The following TM6SF1 variants were observed in gnomAD, a reference collection of about 807,000 sequenced individuals.
TM6SF1 encodes transmembrane 6 superfamily member 1.
In TM6SF1, 43 loss-of-function variants were observed where a neutral mutation model predicts 47.1. That is an observed-to-expected ratio of 0.91 (90% CI 0.72 to 1.18). The LOEUF (loss-of-function observed/expected upper bound fraction) is 1.18, where lower values mean the gene tolerates loss of function less well. TM6SF1 is among the 50% of genes most tolerant of loss of function. The pLI, the probability that TM6SF1 is intolerant of heterozygous loss-of-function variation, is 0.00. For missense variants in TM6SF1, 390 were observed against 449.0 expected (o/e 0.87, Z 1.19); for synonymous variants, 177 against 166.3 (o/e 1.06, Z -0.49).
At chr15:83,121,458 C>T (rs1268124630) in intron 4 of TM6SF1, among the ~76,000 whole-genome samples, 1 of 152,184 alleles carries the variant, frequency 6.6e-6, no homozygotes, top group Non-Finnish European at 1.5e-5. Flanking sequence ...GTACATGTCA[C>T]TTGTCTTCAC....
chr15:83,129,864 T>C (rs2036092423), intron 9 of TM6SF1: 1 of 151,104 alleles, frequency 6.6e-6, no homozygotes, highest in African/African-American at 2.4e-5. Flanking sequence ...AAGCCTTGCC[T>C]TTTTTTTTGG....
chr15:83,127,220 TA>T (rs59121495), intron 8 of TM6SF1, 137 bp from the exon 9 acceptor site: 106,982 of 623,696 alleles, frequency 0.17, 7 homozygotes, highest in Middle Eastern at 0.21. Flanking sequence ...AAAATAAAAG[TA>T]AAAAAAAAAA....
chr15:83,133,208 GA>G (rs2036373479), intron 9 of TM6SF1: 1 of 152,188 alleles, frequency 6.6e-6, no homozygotes, highest in South Asian at 2.1e-4. Context: ...ATGTTGCTCA[GA>G]AAACTCTAAG....
intron 9 of TM6SF1, chr15:83,127,875 G>A (rs537779617): frequency 2.4e-5 from 6 of 248,958 alleles, no homozygotes; most frequent in East Asian, 3.1e-4. Flanking sequence ...ATTCCACTAC[G>A]CTATGCTATA....
At position 83,136,565 on chromosome 15, in the gene TM6SF1, T is replaced by C; in HGVS notation, c.1006T>C (p.Leu336=). 1 of 1,613,904 alleles carries C rather than the reference T, an allele frequency of 6.2e-7. No homozygotes were observed. Among genetic ancestry groups the C allele is most frequent in the Admixed American group, 1.7e-5 (1 of 59,970 alleles). The change falls in exon 10 of 10, where the codon TTA becomes CTA. Residue 336 remains leucine (L), a synonymous_variant. Transcript: ENST00000322019. The part of the protein sequence containing the change: ...RVPEEAKILF[L]ALNIAYGVLP... ...CCCTGAAGAAGCAAAAATCCTTTTT[T>C]TAGCATTAAACATAGCATATGGAGT...
chr15:83,129,710 T>C (rs1217121515), intron 9 of TM6SF1: 2 of 152,252 alleles, frequency 1.3e-5, no homozygotes, highest in Non-Finnish European at 2.9e-5. Flanking sequence ...TACGAGGTGC[T>C]GGAGAACCTT....
chr15:83,123,402 G>T (rs915904002), intron 6 of TM6SF1, among the ~76,000 whole-genome samples: 13 of 152,204 alleles, frequency 8.5e-5, no homozygotes, highest in African/African-American at 3.1e-4. Context: ...TAGTCAAGGT[G>T]AAACAGCACT....
chr15:83,133,113 C>T (rs746187890), intron 9 of TM6SF1: 1 of 152,228 alleles, frequency 6.6e-6, no homozygotes, highest in African/African-American at 2.4e-5. Flanking sequence ...ACACCTCACC[C>T]GAGGCCATAC....
chr15:83,107,823 C>T lies in TM6SF1; in HGVS notation c.92+51C>T. On this transcript the variant is annotated intron_variant, in intron 1 of 9. Transcript: ENST00000322019. The surrounding 1 kb of genome is among the most constrained non-coding windows in gnomAD (Gnocchi z 5.6). ...CGCGCCGAGGGGCGGCGGGAGTTGG[C>T]TCGCCGCGACGGGAGCCTCGCAACT... 1 of 1,534,184 alleles carries T rather than the reference C, an allele frequency of 6.5e-7. No individual in the cohort carries two copies. Among genetic ancestry groups the T allele is most frequent in the Non-Finnish European group, 8.8e-7 (1 of 1,141,486 alleles).
chr15:83,110,705 C>A (rs2034065211), intron 1 of TM6SF1, among the ~76,000 whole-genome samples: 1 of 152,112 alleles, frequency 6.6e-6, no homozygotes, highest in African/African-American at 2.4e-5. Context: ...ATTCTTCAGC[C>A]CAGCATCATA....
intron 1 of TM6SF1, among the ~76,000 whole-genome samples, chr15:83,109,844 G>A (rs1057202121): frequency 6.6e-6 from 1 of 152,142 alleles, no homozygotes; most frequent in Non-Finnish European, 1.5e-5. Context: ...CCCTGACAGG[G>A]ATGCTGCCTT....
chr15:83,109,403 A>G (rs1279329325), intron 1 of TM6SF1, among the ~76,000 whole-genome samples: 1 of 152,208 alleles, frequency 6.6e-6, no homozygotes, highest in Non-Finnish European at 1.5e-5. Flanking sequence ...CACTGGGAAG[A>G]TGGTGATGGC....
At chr15:83,111,658 C>T (rs1288177442) in intron 1 of TM6SF1, 1 of 985,272 alleles carries the variant, frequency 1.0e-6, no homozygotes, top group Non-Finnish European at 1.2e-6. Context: ...GTGCTTGTAG[C>T]TGCTCCAATC....
rs575997084 is a variant in TM6SF1 at position 83,123,699 on chromosome 15, G to A, written c.603+821G>A. Among the ~76,000 whole-genome samples, 3 of 152,306 alleles carry A rather than the reference G, an allele frequency of 2.0e-5. No homozygotes were observed. In the South Asian group the frequency reaches 6.2e-4, roughly 32 times the overall value. ...TGACAGCTGGTACTAACTTCCCTCT[G>A]AGGAAAGAGGTGGCTGTTAAAAAGA... On this transcript the variant is annotated intron_variant, in intron 6 of 9. Coordinates refer to ENST00000322019, the MANE Select transcript of TM6SF1 (RefSeq NM_023003.5).
intron 9 of TM6SF1, chr15:83,131,192 C>T (rs2036218131): frequency 1.3e-5 from 2 of 152,054 alleles, no homozygotes; most frequent in Non-Finnish European, 2.9e-5. Flanking sequence ...TATTTAGAAA[C>T]CTTATGCATT....
intron 9 of TM6SF1, chr15:83,133,432 C>A (rs1422121174): frequency 2.0e-5 from 3 of 152,268 alleles, no homozygotes; most frequent in Non-Finnish European, 2.9e-5. Context: ...TAAAATTTAA[C>A]CTTTGTTCAC....
At position 83,119,638 on chromosome 15, in the gene TM6SF1, C is replaced by T; in HGVS notation, c.355C>T (p.His119Tyr). The change falls in exon 4 of 10, where the codon CAT becomes TAT. Residue 119 changes from histidine to tyrosine, a missense_variant. Coordinates refer to ENST00000322019, the MANE Select transcript of TM6SF1 (RefSeq NM_023003.5). The stretch of plus-strand genomic sequence containing the variant: ...GATCTGCTACTGGGATGGCTCTGCT[C>T]ATTATCTGATGTACCTGGTGATGGT... ...HMICYWDGSA[H>Y]YLMYLVMVAA... The T allele has an allele frequency of 1.2e-6, 2 of 1,614,196 alleles. No homozygotes were observed. The highest frequency in any genetic ancestry group is 1.1e-5 in the South Asian group (1 of 91,086).
At chr15:83,111,041 T>A (rs767387954) in intron 1 of TM6SF1, among the ~76,000 whole-genome samples, 3 of 152,116 alleles carry the variant, frequency 2.0e-5, no homozygotes, top group Non-Finnish European at 4.4e-5. Context: ...TGGCTAATTT[T>A]TTGTATTTTT....
intron 1 of TM6SF1, among the ~76,000 whole-genome samples, chr15:83,112,296 T>C (rs890523750): frequency 2.0e-5 from 3 of 152,204 alleles, no homozygotes; most frequent in African/African-American, 7.2e-5. Context: ...CATTTGACTA[T>C]ACACATAACA....
Sources: gnomAD v4.1 joint callset for allele counts (sites outside exome capture counted in the v4.1 genomes callset) on GRCh38, gnomAD v4.1.1 for gene constraint, Gnocchi (gnomAD v3.1) non-coding constraint, MANE v1.5 for transcripts, NCBI Gene and HGNC (gene_info 2026-07-23, HGNC 2026-07-21) for gene names.